The following NRCAM variants were observed in gnomAD, a reference collection of about 807,000 sequenced individuals.
NRCAM encodes NgCAM-related cell adhesion molecule.
A neutral mutation model predicts 156.5 loss-of-function variants in NRCAM; 83 were observed. The ratio of observed to expected loss-of-function variants is 0.53; its 90% confidence interval spans 0.44 to 0.64. The LOEUF (loss-of-function observed/expected upper bound fraction) is 0.64. Among genes scored for constraint, NRCAM ranks in the 30% least tolerant of loss-of-function variants. The pLI is 0.00. For synonymous variants in NRCAM, 538 were observed against 563.9 expected (o/e 0.95, Z 0.65); for missense variants, 1,417 against 1,597.3 (o/e 0.89, Z 1.92).
At chr7:108,327,651 T>C (rs1452812923) in intron 2 of NRCAM, among the ~76,000 whole-genome samples, 2 of 152,156 alleles carry the variant, frequency 1.3e-5, no homozygotes, top group Non-Finnish European at 2.9e-5. Context: ...CAGATGGTCT[T>C]TGAAGATGTT....
At chr7:108,153,262 G>A (rs982325353) in intron 32 of NRCAM, among the ~76,000 whole-genome samples, 1 of 151,982 alleles carries the variant, frequency 6.6e-6, no homozygotes, top group African/African-American at 2.4e-5. Flanking sequence ...TCCAGGTTGG[G>A]TTTATTCCAA....
chr7:108,375,502 A>G (rs1282284383), intron 2 of NRCAM, among the ~76,000 whole-genome samples: 2 of 152,120 alleles, frequency 1.3e-5, no homozygotes, highest in African/African-American at 4.8e-5. Context: ...TACTCAGGAA[A>G]AGCCTGGAAA....
intron 2 of NRCAM, among the ~76,000 whole-genome samples, chr7:108,368,723 C>G (rs1247376801): frequency 6.6e-6 from 1 of 151,476 alleles, no homozygotes; most frequent in African/African-American, 2.4e-5. Context: ...TTCCTCAAAC[C>G]AGAAAAAAAA....
intron 1 of NRCAM, among the ~76,000 whole-genome samples, chr7:108,455,938 G>C (rs931738456): frequency 4.6e-5 from 7 of 152,218 alleles, no homozygotes; most frequent in Non-Finnish European, 1.0e-4. Context: ...CGGAGCAGAA[G>C]TTGGCCACAG....
intron 3 of NRCAM, among the ~76,000 whole-genome samples, chr7:108,252,578 CT>C (rs2096412933): frequency 6.6e-6 from 1 of 152,216 alleles, no homozygotes; most frequent in Admixed American, 6.5e-5. Context: ...TGCAGAAGGC[CT>C]GTTAATACTC....
chr7:108,402,539 A>C (rs2099795733), intron 1 of NRCAM, among the ~76,000 whole-genome samples: 1 of 152,236 alleles, frequency 6.6e-6, no homozygotes, highest in South Asian at 2.1e-4. Context: ...TTTGGGAGAC[A>C]GAAGGAGCCT....
At chr7:108,240,662 T>C (rs1249462655) in intron 3 of NRCAM, among the ~76,000 whole-genome samples, 1 of 152,206 alleles carries the variant, frequency 6.6e-6, no homozygotes, top group Non-Finnish European at 1.5e-5. Flanking sequence ...ATCTCCCACC[T>C]AGATTATAGC....
chr7:108,337,457 C>T (rs1428876032), intron 2 of NRCAM, among the ~76,000 whole-genome samples: 1 of 152,186 alleles, frequency 6.6e-6, no homozygotes, highest in Non-Finnish European at 1.5e-5. Context: ...ACTTCCATCC[C>T]TCTGGATCTG....
At chr7:108,319,191 C>T (rs1353539960) in intron 2 of NRCAM, among the ~76,000 whole-genome samples, 1 of 152,142 alleles carries the variant, frequency 6.6e-6, no homozygotes, top group Non-Finnish European at 1.5e-5. Context: ...CTATAAACTT[C>T]CTTCCAACTC....
intron 2 of NRCAM, among the ~76,000 whole-genome samples, chr7:108,355,589 T>G (rs1235521056): frequency 6.6e-6 from 1 of 152,222 alleles, no homozygotes; most frequent in Non-Finnish European, 1.5e-5. Context: ...AAATAATCCA[T>G]AGGTTTTAAA....
intron 1 of NRCAM, among the ~76,000 whole-genome samples, 156 bp downstream of exon 1, chr7:108,456,087 C>A (rs1327624525): frequency 3.9e-5 from 6 of 152,010 alleles, no homozygotes; most frequent in Non-Finnish European, 8.8e-5. Flanking sequence ...ATCTGCTTTG[C>A]CCCTCCTGCA....
intron 32 of NRCAM, among the ~76,000 whole-genome samples, chr7:108,157,719 G>A (rs1419833650): frequency 4.6e-5 from 7 of 152,128 alleles, no homozygotes; most frequent in Admixed American, 4.6e-4. Context: ...ATCTGGGAAA[G>A]TCACATGACC....
At position 108,168,387 on chromosome 7, in the gene NRCAM, G is replaced by A. The variant is rs1200901626; in HGVS notation, c.3203C>T (p.Pro1068Leu). 1 of 1,602,360 alleles carries A rather than the reference G, an allele frequency of 6.2e-7. No individual in the cohort carries two copies. The highest frequency in any genetic ancestry group is 8.5e-7 in the Non-Finnish European group (1 of 1,175,470). ...VGAGKVQAVN[P>L]RISNLTAAAA... ...TGCAGCAGTAAGATTGCTGATCCTG[G>A]GATTTACTGCTTGAACTAAACATAC... is the stretch of plus-strand genomic sequence containing the variant. The change falls in exon 29 of 33, where the codon CCC (proline) becomes CTC (leucine). Residue 1068 changes from proline (P) to leucine (L), a missense_variant. Pro to Leu is a moderately conservative substitution (Grantham distance 98, BLOSUM62 -3). Around this residue, in one of 2 missense-constraint regions of NRCAM, gnomAD observed 1,238 missense variants for 1,336.4 expected, o/e 0.93. Transcript: ENST00000379028.
intron 2 of NRCAM, among the ~76,000 whole-genome samples, chr7:108,379,771 T>C (rs1408324846): frequency 6.6e-6 from 1 of 152,104 alleles, no homozygotes; most frequent in Non-Finnish European, 1.5e-5. Context: ...AAGATAAACA[T>C]ATTAGACACA....
In NRCAM at chr7:108,455,722, T is replaced by A. The variant is rs145111456; in HGVS notation, c.-332+521A>T. On this transcript the variant is annotated intron_variant, in intron 1 of 32. Coordinates refer to ENST00000379028, the MANE Select transcript of NRCAM (RefSeq NM_001037132.4). The stretch of plus-strand genomic sequence containing the variant: ...CGAACAAAGCCCACGCCCAGACGTG[T>A]CCGCAGGGGCCCGAACAGGCACACG... Among the ~76,000 whole-genome samples, 817 of 152,232 alleles carry A rather than the reference T, an allele frequency of 5.4e-3. 8 individuals are homozygous for A. The highest frequency in any genetic ancestry group is 0.019 in the African/African-American group (789 of 41,548).
At chr7:108,323,457 G>A (rs973146) in intron 2 of NRCAM, among the ~76,000 whole-genome samples, 34,709 of 152,102 alleles carry the variant, frequency 0.23, 4,277 homozygotes, top group African/African-American at 0.28. Context: ...GCCTATAAGT[G>A]GATGTGGGCT....
chr7:108,373,539 G>A (rs1214113326), intron 2 of NRCAM, among the ~76,000 whole-genome samples: 3 of 152,092 alleles, frequency 2.0e-5, no homozygotes, highest in African/African-American at 7.2e-5. Context: ...CCCCTACAAT[G>A]GGCTAATACT....
rs190718175 is a variant in NRCAM at position 108,438,805 on chromosome 7, A to C, written c.-332+17438T>G. ...ACAAGTTTAGCAAGATACAGGATGT[A>C]AGGTCAATTTTCTTTCTATACATCA... On this transcript the variant is annotated intron_variant, in intron 1 of 32. Transcript: ENST00000379028. Among the ~76,000 whole-genome samples, 162 of 152,280 alleles carry C rather than the reference A, an allele frequency of 1.1e-3. 1 individual carries two copies. The highest frequency in any genetic ancestry group is 3.6e-3 in the African/African-American group (149 of 41,574).
At chr7:108,312,983 G>C (rs761064286) in intron 2 of NRCAM, among the ~76,000 whole-genome samples, 1 of 152,176 alleles carries the variant, frequency 6.6e-6, no homozygotes, top group Non-Finnish European at 1.5e-5. Flanking sequence ...AGAGAATCAC[G>C]TCTGATTCCT....
Sources: allele counts gnomAD v4.1 joint callset (sites outside exome capture counted in the v4.1 genomes callset), GRCh38; gene constraint gnomAD v4.1.1; regional missense constraint gnomAD v4.1.1; transcripts MANE v1.5; gene names NCBI Gene and HGNC (gene_info 2026-07-23, HGNC 2026-07-21).